Variants in MCTP1 observed in about 807,000 individuals in gnomAD.
MCTP1 encodes the protein multiple C2 and transmembrane domain-containing protein 1.
Under a neutral mutation model 120.6 loss-of-function variants are expected in MCTP1, and 69 were observed. The ratio of observed to expected loss-of-function variants is 0.57; its 90% CI spans 0.47 to 0.70. The LOEUF (loss-of-function observed/expected upper bound fraction) is 0.70. MCTP1 is among the 30% of genes least tolerant of loss of function. MCTP1 has a pLI of 0.00. For missense variants in MCTP1, 1,203 were observed against 1,248.8 expected (o/e 0.96, Z 0.55); for synonymous variants, 529 against 493.1 (o/e 1.07, Z -0.96).
intron 1 of MCTP1, among the ~76,000 whole-genome samples, chr5:95,118,262 G>C (rs1757965748): frequency 6.6e-6 from 1 of 152,034 alleles, no homozygotes; most frequent in Non-Finnish European, 1.5e-5. Flanking sequence ...AAGGTGTAGA[G>C]TTTTTATTAG....
chr5:94,809,878 T>C lies in MCTP1; in HGVS notation c.2437-10746A>G, dbSNP rs528057927. On this transcript the variant is annotated intron_variant, in intron 17 of 22. Coordinates refer to ENST00000515393, the MANE Select transcript of MCTP1 (RefSeq NM_024717.7). Reference sequence around the variant, plus strand: ...GTGCCCCGTTTTCCCAGGATCCAACTTTTTCTGGAAAGACCCACGACTATC... The same window carrying C: ...GTGCCCCGTTTTCCCAGGATCCAACCTTTTCTGGAAAGACCCACGACTATC... Among the ~76,000 whole-genome samples the C allele has an allele frequency of 2.6e-5, 4 of 152,132 alleles. No individual in the cohort carries two copies. The East Asian group carries it at 7.7e-4, about 29-fold the overall frequency.
At chr5:94,934,099 C>A (rs1168635469) in intron 5 of MCTP1, among the ~76,000 whole-genome samples, 1 of 151,768 alleles carries the variant, frequency 6.6e-6, no homozygotes, top group Non-Finnish European at 1.5e-5. Flanking sequence ...ACTACCAAAG[C>A]AATGGGTTTA....
chr5:94,947,817 C>T (rs1382722312), intron 3 of MCTP1, among the ~76,000 whole-genome samples: 3 of 149,020 alleles, frequency 2.0e-5, no homozygotes, highest in African/African-American at 7.4e-5. Context: ...GACAGGGTCT[C>T]CCTAGGTTGC....
intron 15 of MCTP1, 70 bp from the exon 16 acceptor site, chr5:94,870,561 C>A: frequency 8.8e-7 from 1 of 1,130,354 alleles, no homozygotes; most frequent in Non-Finnish European, 1.3e-6. Flanking sequence ...TCACGCAGTT[C>A]AATTTGCAAT....
intron 21 of MCTP1, 105 bp downstream of exon 21, chr5:94,710,713 A>G: frequency 1.5e-6 from 1 of 685,678 alleles, no homozygotes; most frequent in Non-Finnish European, 2.5e-6. Flanking sequence ...GAGTAGCTTC[A>G]TGACCATAAA....
intron 1 of MCTP1, among the ~76,000 whole-genome samples, chr5:95,124,054 C>A (rs182822780): frequency 6.6e-6 from 1 of 152,312 alleles, no homozygotes; most frequent in African/African-American, 2.4e-5. Flanking sequence ...TCAAGGGTAA[C>A]ACGTACACAT....
intron 8 of MCTP1, 21 bp downstream of exon 8, chr5:94,917,875 G>A (rs984809303): frequency 9.4e-6 from 15 of 1,601,850 alleles, no homozygotes; most frequent in African/African-American, 5.4e-5. Context: ...AAAAATAAAT[G>A]AACTGAATGG....
At chr5:95,066,311 T>C (rs1750645938) in intron 1 of MCTP1, among the ~76,000 whole-genome samples, 1 of 152,150 alleles carries the variant, frequency 6.6e-6, no homozygotes, top group Admixed American at 6.5e-5. Context: ...TCATCTCACT[T>C]CAGTTAGAAT....
chr5:94,928,896 G>A (rs1476930482), intron 6 of MCTP1, among the ~76,000 whole-genome samples: 1 of 152,098 alleles, frequency 6.6e-6, no homozygotes, highest in African/African-American at 2.4e-5. Context: ...CTGTCCTCAA[G>A]CTGGCGATTC....
intron 4 of MCTP1, among the ~76,000 whole-genome samples, chr5:94,941,725 GT>G (rs1164122433): frequency 6.6e-6 from 1 of 151,928 alleles, no homozygotes; most frequent in Non-Finnish European, 1.5e-5. Context: ...TAGTTCCTAT[GT>G]TGAAATTCAC....
At chr5:95,098,062 T>C (rs1756408005) in intron 1 of MCTP1, among the ~76,000 whole-genome samples, 1 of 152,232 alleles carries the variant, frequency 6.6e-6, no homozygotes, top group South Asian at 2.1e-4. Context: ...TCTTTCAACG[T>C]GTTTTTGTTT....
At chr5:95,048,034 A>C (rs539082781) in intron 1 of MCTP1, among the ~76,000 whole-genome samples, 1 of 152,344 alleles carries the variant, frequency 6.6e-6, no homozygotes, top group African/African-American at 2.4e-5. Context: ...AGATATGTTA[A>C]GTACAAGGAG....
intron 17 of MCTP1, among the ~76,000 whole-genome samples, chr5:94,802,812 A>G (rs184689512): frequency 1.3e-5 from 2 of 152,368 alleles, no homozygotes; most frequent in East Asian, 1.9e-4. Flanking sequence ...TAAAATGTCT[A>G]GCATTTGTCC....
chr5:95,207,747 T>A (rs1751785104), intron 1 of MCTP1, among the ~76,000 whole-genome samples: 1 of 151,724 alleles, frequency 6.6e-6, no homozygotes, highest in Non-Finnish European at 1.5e-5. Flanking sequence ...ATTTACTGAA[T>A]ACAAGAATAA....
chr5:94,722,585 T>C (rs960976790), intron 19 of MCTP1, among the ~76,000 whole-genome samples: 1 of 152,232 alleles, frequency 6.6e-6, no homozygotes, highest in Non-Finnish European at 1.5e-5. Context: ...AATGGAACTA[T>C]ATATACCAAG....
chr5:95,174,392 T>G (rs1233080348), intron 1 of MCTP1, among the ~76,000 whole-genome samples: 3 of 152,238 alleles, frequency 2.0e-5, no homozygotes, highest in South Asian at 2.1e-4. Flanking sequence ...ACTAGCCATA[T>G]GCAAAGAATG....
intron 1 of MCTP1, among the ~76,000 whole-genome samples, chr5:95,086,054 G>C (rs1755420609): frequency 6.6e-6 from 1 of 151,644 alleles, no homozygotes; most frequent in African/African-American, 2.4e-5. Flanking sequence ...TATTTAATTT[G>C]TGGTTTAATT....
chr5:94,975,793 C>T (rs1025428275), intron 2 of MCTP1, among the ~76,000 whole-genome samples: 2 of 151,992 alleles, frequency 1.3e-5, no homozygotes, highest in African/African-American at 4.8e-5. Context: ...AGTATTTATT[C>T]AAGCTTCACT....
At chr5:94,771,880 T>C (rs1447709956) in intron 19 of MCTP1, among the ~76,000 whole-genome samples, 1 of 152,184 alleles carries the variant, frequency 6.6e-6, no homozygotes, top group Non-Finnish European at 1.5e-5. Context: ...TGAGTCTCAC[T>C]GGGCTAAAAA....
Sources: gnomAD v4.1 joint callset for allele counts (sites outside exome capture counted in the v4.1 genomes callset) on GRCh38, gnomAD v4.1.1 for gene constraint, MANE v1.5 for transcripts, NCBI Gene and HGNC (gene_info 2026-07-23, HGNC 2026-07-21) for gene names.